Variants in SAMSN1 observed in about 807,000 individuals in gnomAD.
SAMSN1 encodes SAM domain-containing protein SAMSN-1.
A neutral mutation model predicts 42.0 loss-of-function variants in SAMSN1; 31 were observed. The observed-to-expected ratio is 0.74, with a 90% CI of 0.55 to 1.00. The LOEUF is 1.00. SAMSN1 is among the 50% of genes least tolerant of loss of function. SAMSN1 has a pLI of 0.00. For synonymous variants in SAMSN1, 178 were observed against 151.9 expected (o/e 1.17, Z -1.26); for missense variants, 464 against 439.4 (o/e 1.06, Z -0.50).
intron 6 of SAMSN1, among the ~76,000 whole-genome samples, chr21:14,601,507 C>A (rs1449033499): frequency 6.6e-6 from 1 of 152,190 alleles, no homozygotes; most frequent in Admixed American, 6.5e-5. Flanking sequence ...AAAAGTCAGT[C>A]TGATGCCTGA....
rs368948113 is a variant in SAMSN1 at position 14,647,251 on chromosome 21, C to G, written c.25-4118G>C. ...CATTTATTAAATAGGGAATCCTTTC[C>G]CCATTGCTTGTTTTTCTCAGGTTTG... On this transcript the variant is annotated intron_variant, in intron 1 of 15. Coordinates refer to the SAMSN1 transcript ENST00000647101. Among the ~76,000 whole-genome samples the G allele has an allele frequency of 3.7e-4, 57 of 152,106 alleles. 1 individual carries two copies. In the East Asian group the frequency reaches 6.4e-3, roughly 17 times the overall value.
chr21:14,521,261 T>C, intron 1 of SAMSN1, 40 bp from the exon 2 acceptor site: 1 of 1,399,472 alleles, frequency 7.1e-7, no homozygotes, highest in Admixed American at 1.8e-5. Flanking sequence ...AACTTAGAAT[T>C]TATTTTCACT....
chr21:14,643,004 C>A, exon 2 of SAMSN1: 1 of 717,016 alleles, frequency 1.4e-6, no homozygotes, highest in Non-Finnish European at 2.6e-6. Context: ...TCACTCACCA[C>A]GAAGAGATTG....
chr21:14,626,843 C>A (rs1206620372), intron 2 of SAMSN1, among the ~76,000 whole-genome samples: 3 of 152,106 alleles, frequency 2.0e-5, no homozygotes, highest in Admixed American at 6.6e-5. Context: ...TTTATTGTGG[C>A]ACTATTCACA....
In SAMSN1 at chr21:14,517,146, A is replaced by T. The variant is rs953980861; in HGVS notation, c.130-105T>A. 7 of 1,089,114 alleles carry T rather than the reference A, an allele frequency of 6.4e-6. No individual in the cohort carries two copies. The East Asian group carries it at 1.8e-4, about 28-fold the overall frequency. 67.5% of individuals were successfully genotyped at this position (1,089,114 alleles called of 1,614,324 possible). ...TTCTGAGTTTGTGGATTTTGCATGC[A>T]TTCTGTGCAGCAGCCTCCAAAATTT... On this transcript the variant is annotated intron_variant, in intron 2 of 7. Coordinates refer to ENST00000400566, the MANE Select transcript of SAMSN1 (RefSeq NM_022136.5).
At chr21:14,624,301 A>T (rs1983102077) in intron 2 of SAMSN1, among the ~76,000 whole-genome samples, 1 of 152,202 alleles carries the variant, frequency 6.6e-6, no homozygotes, top group Non-Finnish European at 1.5e-5. Flanking sequence ...GGAGATAGAG[A>T]CACAAAAAAC....
At chr21:14,624,672 A>G (rs1453345115) in intron 2 of SAMSN1, among the ~76,000 whole-genome samples, 1 of 152,202 alleles carries the variant, frequency 6.6e-6, no homozygotes, top group African/African-American at 2.4e-5. Flanking sequence ...GACCAGATGG[A>G]TTCACAGCCA....
At chr21:14,578,804 C>T (rs1981596850) in intron 2 of SAMSN1, among the ~76,000 whole-genome samples, 1 of 151,598 alleles carries the variant, frequency 6.6e-6, no homozygotes, top group Non-Finnish European at 1.5e-5. Flanking sequence ...GGGTTTAGGC[C>T]CAGCTCCATC....
intron 7 of SAMSN1, among the ~76,000 whole-genome samples, chr21:14,486,402 T>C (rs1297653438): frequency 1.3e-5 from 2 of 152,182 alleles, no homozygotes; most frequent in African/African-American, 2.4e-5. Context: ...ATATGGACTC[T>C]CATTTTACAT....
chr21:14,499,655 C>T (rs1264143676), intron 6 of SAMSN1, among the ~76,000 whole-genome samples: 1 of 151,818 alleles, frequency 6.6e-6, no homozygotes, highest in Non-Finnish European at 1.5e-5. Context: ...TCTCATAGAC[C>T]TTGGTTTTCT....
Position 14,498,476 on chromosome 21 carries a change from TAA to T in SAMSN1, c.883_884del (p.Leu295ThrfsTer5). Reference protein sequence around the residue: ...NIENPDDRRRLLSAAENFLEE... With the variant: ...NIENPDDRRRXLSAAENFLEE... ...CAAGGAAGTTTTCAGCAGCTGATAGTAACCTTCTTCTGTCATCTGGGTTTTCA... is the reference window on the plus strand; with the variant it reads ...CAAGGAAGTTTTCAGCAGCTGATAGTCCTTCTTCTGTCATCTGGGTTTTCA... On this transcript the variant is annotated frameshift_variant, in exon 7 of 8. Transcript: ENST00000400566. LOFTEE classifies it high-confidence loss of function. 1 of 1,611,014 alleles carries T rather than the reference TAA, an allele frequency of 6.2e-7. No homozygotes were observed. Among genetic ancestry groups the T allele is most frequent in the Non-Finnish European group, 8.5e-7 (1 of 1,179,116 alleles).
At chr21:14,592,113 G>C (rs1982102998) in intron 7 of SAMSN1, 1 of 152,150 alleles carries the variant, frequency 6.6e-6, no homozygotes, top group Non-Finnish European at 1.5e-5. Flanking sequence ...GTTGATTTAA[G>C]AGAAAAGGCC....
rs552665741 is a variant in SAMSN1, at chr21:14,510,214, C to A, written c.561+96G>T. On this transcript the variant is annotated intron_variant, in intron 5 of 7. Transcript: ENST00000400566. Reference sequence around the variant, plus strand: ...CACTTCTACTGTTGGGAAGAACACACTCACACTGTCTTCCCACTGCTTATA... The same window carrying A: ...CACTTCTACTGTTGGGAAGAACACAATCACACTGTCTTCCCACTGCTTATA... The A allele has an allele frequency of 9.2e-5, 108 of 1,173,512 alleles. 2 individuals are homozygous for A. In the South Asian group the frequency reaches 1.4e-3, roughly 15 times the overall value. The allele number at this position is 1,173,512 out of a possible 1,614,324, so 72.7% of individuals were successfully genotyped here.
chr21:14,548,961 A>G (rs931493328), upstream of SAMSN1, among the ~76,000 whole-genome samples: 2 of 152,172 alleles, frequency 1.3e-5, no homozygotes, highest in African/African-American at 4.8e-5. Context: ...AAATTGCAAA[A>G]GCACAGTCTT....
chr21:14,601,137 C>T (rs1282045035), intron 6 of SAMSN1, among the ~76,000 whole-genome samples: 2 of 152,158 alleles, frequency 1.3e-5, no homozygotes, highest in Non-Finnish European at 2.9e-5. Context: ...TGAGCTCTGT[C>T]TGATATCAGA....
intron 3 of SAMSN1, among the ~76,000 whole-genome samples, chr21:14,513,288 C>T (rs1005741403): frequency 2.6e-5 from 4 of 152,162 alleles, no homozygotes; most frequent in East Asian, 1.9e-4. Context: ...TATTTGTGAG[C>T]ATTTCTAAAC....
At chr21:14,502,494 C>A (rs1355066901) in intron 5 of SAMSN1, among the ~76,000 whole-genome samples, 2 of 152,140 alleles carry the variant, frequency 1.3e-5, no homozygotes, top group African/African-American at 4.8e-5. Context: ...TTGGATAAGA[C>A]CCTTGATGGA....
chr21:14,568,621 T>C (rs1454849372), intron 2 of SAMSN1, among the ~76,000 whole-genome samples: 1 of 152,154 alleles, frequency 6.6e-6, no homozygotes, highest in African/African-American at 2.4e-5. Context: ...TATCCATTTA[T>C]TTTACAGCTA....
intron 1 of SAMSN1, among the ~76,000 whole-genome samples, chr21:14,545,423 A>T (rs953300439): frequency 4.6e-5 from 7 of 152,306 alleles, no homozygotes; most frequent in Admixed American, 2.6e-4. Context: ...TGAGAAAAGA[A>T]ATGTACAAGT....
Sources: allele counts gnomAD v4.1 joint callset (sites outside exome capture counted in the v4.1 genomes callset), GRCh38; gene constraint gnomAD v4.1.1; transcripts MANE v1.5; gene names NCBI Gene and HGNC (gene_info 2026-07-23, HGNC 2026-07-21).